The following SLC26A9 variants were observed in gnomAD, a reference collection of about 807,000 sequenced individuals.
SLC26A9 encodes anion transporter/exchanger protein 9.
SLC26A9 carries 46 observed loss-of-function variants against 87.1 expected under a neutral mutation model. That is an observed-to-expected ratio of 0.53 (90% CI 0.42 to 0.67). The LOEUF (loss-of-function observed/expected upper bound fraction) is 0.67, where lower values mean the gene tolerates loss of function less well. SLC26A9 is among the 30% of genes least tolerant of loss of function. The pLI, the probability that SLC26A9 is intolerant of heterozygous loss-of-function variation, is 0.00. For synonymous variants in SLC26A9, 437 were observed against 409.1 expected (o/e 1.07, Z -0.82); for missense variants, 927 against 1,018.3 (o/e 0.91, Z 1.22).
chr1:205,931,722 C>T, intron 5 of SLC26A9, 138 bp downstream of exon 5: 2 of 1,183,590 alleles, frequency 1.7e-6, no homozygotes, highest in African/African-American at 1.6e-5. Flanking sequence ...CCTCCTCAGC[C>T]TCCCAAAGTG....
In SLC26A9 at chr1:205,927,977, G is replaced by T. The variant is rs530666216; in HGVS notation, c.1026C>A (p.Ile342=). 1 of 1,614,196 alleles carries T rather than the reference G, an allele frequency of 6.2e-7. No homozygotes were observed. The highest frequency in any genetic ancestry group is 1.7e-5 in the Admixed American group (1 of 60,030). Residue 342 remains isoleucine (I), a synonymous_variant, in exon 9 of 21, where the codon ATC becomes ATA. Transcript: ENST00000367135. Reference sequence around the variant, plus strand: ...TAGCCAGGTTGATGACGTAGCTCACGATGGCTAGGGAGAAGGCTGTGCCTA... The same window carrying T: ...TAGCCAGGTTGATGACGTAGCTCACTATGGCTAGGGAGAAGGCTGTGCCTA... ...DMIGTAFSLA[I]VSYVINLAMG...
In SLC26A9 at chr1:205,932,784, A is replaced by G; in HGVS notation, c.294T>C (p.Leu98=). ...AGGAGTAGAGGCCATTGACTGCAGGAAGGTTGGCCAGCAGAGCAAATGCCA... is the reference window on the plus strand; with the variant it reads ...AGGAGTAGAGGCCATTGACTGCAGGGAGGTTGGCCAGCAGAGCAAATGCCA... The part of the protein sequence containing the change: ...QGMAFALLAN[L]PAVNGLYSSF... Residue 98 remains leucine (L), a synonymous_variant, in exon 4 of 21, where the codon CTT becomes CTC. Transcript: ENST00000367135. 6.3e-7 allele frequency: 1 copy of G among 1,599,416 alleles called. No individual in the cohort carries two copies. Among genetic ancestry groups the G allele is most frequent in the Non-Finnish European group, 8.5e-7 (1 of 1,173,208 alleles).
At chr1:205,927,452 T>G in intron 10 of SLC26A9, 40 bp downstream of exon 10, 1 of 1,598,908 alleles carries the variant, frequency 6.3e-7, no homozygotes, top group Non-Finnish European at 8.6e-7. Flanking sequence ...GCAACTGTTC[T>G]CTTACCACCT....
In SLC26A9 at chr1:205,914,020, A is replaced by C. The variant is rs1211807030; in HGVS notation, c.*1337T>G. 1 of 152,184 alleles carries C rather than the reference A, an allele frequency of 6.6e-6. No homozygotes were observed. Among genetic ancestry groups the C allele is most frequent in the Non-Finnish European group, 1.5e-5 (1 of 68,028 alleles). The allele number at this position is 152,184 out of a possible 1,614,324, so 9.4% of individuals were successfully genotyped here. A position where few individuals can be genotyped will look rare whatever the true frequency, so the allele number is the denominator to read the frequency against. ...GTGCATTTCCACTGAAATTTTACAA[A>C]ACACTTACACATGGAACCTATTTAT... On this transcript the variant is annotated 3_prime_UTR_variant, in exon 21 of 21. Coordinates refer to ENST00000367135, the MANE Select transcript of SLC26A9 (RefSeq NM_052934.4).
At chr1:205,921,142 G>T (rs1658809335) in intron 17 of SLC26A9, among the ~76,000 whole-genome samples, 1 of 152,228 alleles carries the variant, frequency 6.6e-6, no homozygotes, top group African/African-American at 2.4e-5. Context: ...TCTCTGTTTG[G>T]CCTGATGGTG....
chr1:205,931,153 A>G (rs1335476470), intron 5 of SLC26A9, among the ~76,000 whole-genome samples: 6 of 152,168 alleles, frequency 3.9e-5, no homozygotes, highest in Non-Finnish European at 7.3e-5. Context: ...CTTTGCAACC[A>G]TTTGCAGAAG....
intron 10 of SLC26A9, 37 bp downstream of exon 10, chr1:205,927,455 T>C: frequency 3.1e-6 from 5 of 1,601,538 alleles, no homozygotes; most frequent in Non-Finnish European, 3.4e-6. Flanking sequence ...ACTGTTCTCT[T>C]ACCACCTCCC....
At chr1:205,923,054 C>T (rs1398634377) in intron 16 of SLC26A9, 28 bp downstream of exon 16, 4 of 1,602,942 alleles carry the variant, frequency 2.5e-6, no homozygotes, top group South Asian at 1.1e-5. Context: ...GAGAGCAGGG[C>T]ACGGGGCTGC....
At position 205,915,034 on chromosome 1, in the gene SLC26A9, C is replaced by T. The variant is rs1355465944; in HGVS notation, c.*323G>A. ...TCGTAAAAGCTGGAAGTCAAGGTGT[C>T]CTTCAGCTGCCAAGGACAGGGCAGA... On this transcript the variant is annotated 3_prime_UTR_variant, in exon 21 of 21. Coordinates refer to ENST00000367135, the MANE Select transcript of SLC26A9 (RefSeq NM_052934.4). 3 of 1,614,084 alleles carry T rather than the reference C, an allele frequency of 1.9e-6. No homozygotes were observed. Among genetic ancestry groups the T allele is most frequent in the Non-Finnish European group, 2.5e-6 (3 of 1,180,046 alleles).
At chr1:205,942,854 T>C (rs1558132849) in intron 1 of SLC26A9, among the ~76,000 whole-genome samples, 1 of 152,088 alleles carries the variant, frequency 6.6e-6, no homozygotes, top group Non-Finnish European at 1.5e-5. Context: ...TTCTGTGTAG[T>C]CCATGCTAAG....
At chr1:205,917,955 CGTT>C (rs768018543) in intron 19 of SLC26A9, among the ~76,000 whole-genome samples, 76 of 152,306 alleles carry the variant, frequency 5.0e-4, no homozygotes, top group Non-Finnish European at 8.2e-4. Flanking sequence ...CAGGAAAGCC[CGTT>C]GTTTCCCCAG....
intron 8 of SLC26A9, chr1:205,928,261 C>A (rs1659164463): frequency 1.6e-6 from 1 of 625,464 alleles, no homozygotes; most frequent in East Asian, 2.8e-5. Flanking sequence ...GCTGAGAGAA[C>A]CTAACTTGCC....
chr1:205,914,737 T>G lies in SLC26A9; in HGVS notation c.*620A>C. 9 of 912,518 alleles carry G rather than the reference T, an allele frequency of 9.9e-6. No homozygotes were observed. Among genetic ancestry groups the G allele is most frequent in the Middle Eastern group, 3.3e-4 (1 of 3,030 alleles). The allele number at this position is 912,518 out of a possible 1,614,324, so 56.5% of individuals were successfully genotyped here. A position where few individuals can be genotyped will look rare whatever the true frequency, so the allele number is the denominator to read the frequency against. The stretch of plus-strand genomic sequence containing the variant: ...ATGTGCTTGCTGACAGCAGTGGTGG[T>G]TTGGGCAGCCTTGGGGATGATGGAG... On this transcript the variant is annotated 3_prime_UTR_variant, in exon 21 of 21. Coordinates refer to ENST00000367135, the MANE Select transcript of SLC26A9 (RefSeq NM_052934.4).
rs1340066302 is a variant in SLC26A9, at chr1:205,923,498, G to C, written c.1566+46C>G. 3 of 1,613,676 alleles carry C rather than the reference G, an allele frequency of 1.9e-6. No homozygotes were observed. In the African/African-American group the frequency reaches 4.0e-5, roughly 22 times the overall value. ...GCTTTAAAAAGCAACCTCTTCTTGG[G>C]GTGGTGCAGAGCAAAAGAAGGAGGT... On this transcript the variant is annotated intron_variant, in intron 14 of 20. Coordinates refer to ENST00000367135, the MANE Select transcript of SLC26A9 (RefSeq NM_052934.4).
intron 12 of SLC26A9, among the ~76,000 whole-genome samples, chr1:205,925,671 C>A (rs1426190444): frequency 6.6e-6 from 1 of 152,176 alleles, no homozygotes; most frequent in African/African-American, 2.4e-5. Context: ...GACAGTACAG[C>A]CTAGAGGTCT....
chr1:205,927,433 T>G (rs1214123297), intron 10 of SLC26A9, 59 bp downstream of exon 10: 1 of 1,575,390 alleles, frequency 6.3e-7, no homozygotes, highest in East Asian at 2.2e-5. Context: ...GTGCCCAGGC[T>G]TTTTTGGGGC....
Position 205,928,846 on chromosome 1 carries a change from C to T in SLC26A9, c.934G>A (p.Val312Met), listed in dbSNP as rs763025072. The stretch of plus-strand genomic sequence containing the variant: ...ACTCACCCGCGTTGGATTTCTCCCA[C>T]GATCTGCATGTGATACTTTTTGGGC... ...KMPKKYHMQI[V>M]GEIQRGFPTP... Residue 312 changes from valine to methionine, a missense_variant, in exon 8 of 21, where the codon GTG becomes ATG. Coordinates refer to ENST00000367135, the MANE Select transcript of SLC26A9 (RefSeq NM_052934.4). 41 of 1,614,014 alleles carry T rather than the reference C, an allele frequency of 2.5e-5. No homozygotes were observed. The highest frequency in any genetic ancestry group is 7.7e-5 in the South Asian group (7 of 91,092).
Position 205,915,122 on chromosome 1 carries a change from G to T in SLC26A9, c.*235C>A, listed in dbSNP as rs548847598. ...GCGGCCAGGGCCTGACGGGTGAAGAGTGGGCTCACCAGACTCTCACTCCTG... is the reference window on the plus strand; with the variant it reads ...GCGGCCAGGGCCTGACGGGTGAAGATTGGGCTCACCAGACTCTCACTCCTG... On this transcript the variant is annotated 3_prime_UTR_variant, in exon 21 of 21. Transcript: ENST00000367135. The T allele has an allele frequency of 2.5e-6, 4 of 1,613,910 alleles. No homozygotes were observed. The highest frequency in any genetic ancestry group is 1.3e-5 in the African/African-American group (1 of 75,046).
intron 10 of SLC26A9, 21 bp downstream of exon 10, chr1:205,927,471 C>A (rs1215182041): frequency 6.2e-7 from 1 of 1,609,864 alleles, no homozygotes; most frequent in Non-Finnish European, 8.5e-7. Context: ...CTCCCCCCAA[C>A]TCCCCTAGAA....
Sources: gnomAD v4.1 joint callset for allele counts (sites outside exome capture counted in the v4.1 genomes callset) on GRCh38, gnomAD v4.1.1 for gene constraint, MANE v1.5 for transcripts, NCBI Gene and HGNC (gene_info 2026-07-23, HGNC 2026-07-21) for gene names.